CTNNA3: variants seen among roughly 807,000 people sequenced by gnomAD.
CTNNA3 encodes the protein catenin alpha 3, also known as catenin alpha-3.
In CTNNA3, 76 loss-of-function variants were observed where a neutral mutation model predicts 95.7. The ratio of observed to expected loss-of-function variants is 0.79; its 90% CI spans 0.66 to 0.96. The LOEUF is 0.96. Ranked by LOEUF, CTNNA3 falls within the 40% of genes least tolerant of loss-of-function variation. The probability of loss-of-function intolerance (pLI) is 0.00; values close to 1 mark genes in which losing one functional copy is unlikely to be tolerated. For missense variants in CTNNA3, 1,191 were observed against 1,089.8 expected (o/e 1.09, Z -1.31); for synonymous variants, 431 against 374.4 (o/e 1.15, Z -1.74).
At chr10:66,165,821 C>A (rs56026630) in intron 13 of CTNNA3, among the ~76,000 whole-genome samples, 1 of 151,692 alleles carries the variant, frequency 6.6e-6, no homozygotes, top group African/African-American at 2.4e-5. Flanking sequence ...CAGGCTGGAG[C>A]GCAGTGGTGC....
At chr10:66,906,033 C>A (rs774327045) in intron 7 of CTNNA3, among the ~76,000 whole-genome samples, 1 of 151,924 alleles carries the variant, frequency 6.6e-6, no homozygotes, top group Non-Finnish European at 1.5e-5. Flanking sequence ...AGAATTCCAG[C>A]TAATAAATGA....
chr10:66,685,724 T>C (rs1429825361), intron 9 of CTNNA3, among the ~76,000 whole-genome samples: 1 of 151,984 alleles, frequency 6.6e-6, no homozygotes, highest in Non-Finnish European at 1.5e-5. Context: ...ATATTTAAAA[T>C]GACCATGAAC....
chr10:66,360,638 T>TTC (rs1491083628), intron 12 of CTNNA3, among the ~76,000 whole-genome samples: 1 of 53,330 alleles, frequency 1.9e-5, no homozygotes, highest in East Asian at 8.1e-4. Context: ...TTTCTTTCTT[T>TTC]CTTTCTTTCT....
At chr10:67,423,422 G>A (rs1845816503) in intron 5 of CTNNA3, among the ~76,000 whole-genome samples, 2 of 152,062 alleles carry the variant, frequency 1.3e-5, no homozygotes, top group Admixed American at 1.3e-4. Flanking sequence ...AAAGAACCAT[G>A]GAAGCCTAAG....
intron 9 of CTNNA3, among the ~76,000 whole-genome samples, chr10:66,717,443 C>T (rs1320243803): frequency 1.3e-5 from 2 of 152,106 alleles, no homozygotes; most frequent in Non-Finnish European, 2.9e-5. Context: ...AAGTCTGTCT[C>T]CTATTCTAGA....
intron 5 of CTNNA3, among the ~76,000 whole-genome samples, chr10:67,342,955 A>G (rs1200556645): frequency 6.6e-6 from 1 of 151,522 alleles, no homozygotes; most frequent in Non-Finnish European, 1.5e-5. Context: ...GTTCCACATA[A>G]TTTTCCTTTT....
intron 2 of CTNNA3, among the ~76,000 whole-genome samples, chr10:67,621,357 A>G (rs1393620660): frequency 6.6e-6 from 1 of 152,080 alleles, no homozygotes; most frequent in East Asian, 1.9e-4. Context: ...AAACCACTCC[A>G]TCATACTTTA....
chr10:66,570,915 AAGGAG>A (rs1842850889), intron 10 of CTNNA3, among the ~76,000 whole-genome samples: 1 of 152,154 alleles, frequency 6.6e-6, no homozygotes, highest in Non-Finnish European at 1.5e-5. Context: ...AGTTTTGAGC[AAGGAG>A]CTCTCAAAAA....
intron 13 of CTNNA3, among the ~76,000 whole-genome samples, chr10:66,218,198 C>A (rs530121903): frequency 6.6e-6 from 1 of 152,268 alleles, no homozygotes; most frequent in Non-Finnish European, 1.5e-5. Context: ...TGACAAGAAC[C>A]TGTTTTTTTC....
At chr10:66,943,413 A>G (rs1307374651) in intron 7 of CTNNA3, among the ~76,000 whole-genome samples, 1 of 152,032 alleles carries the variant, frequency 6.6e-6, no homozygotes, top group African/African-American at 2.4e-5. Flanking sequence ...CAAAAAGACC[A>G]TCTTTTTATG....
intron 11 of CTNNA3, among the ~76,000 whole-genome samples, chr10:66,470,196 T>C (rs1309489054): frequency 1.3e-5 from 2 of 151,754 alleles, no homozygotes; most frequent in Non-Finnish European, 2.9e-5. Context: ...ATATTATAAG[T>C]GCTAGATTTT....
chr10:66,937,548 CT>C (rs1434029446), intron 7 of CTNNA3, among the ~76,000 whole-genome samples: 2 of 152,218 alleles, frequency 1.3e-5, no homozygotes, highest in East Asian at 3.9e-4. Context: ...TCCTGGTGGA[CT>C]TTCCGGAAAT....
chr10:66,428,457 T>C (rs1442582886), intron 11 of CTNNA3, among the ~76,000 whole-genome samples: 1 of 152,194 alleles, frequency 6.6e-6, no homozygotes. Context: ...TACATTCTTT[T>C]CAGCACCACA....
intron 5 of CTNNA3, among the ~76,000 whole-genome samples, chr10:67,368,174 A>G (rs2132692159): frequency 6.6e-6 from 1 of 152,212 alleles, no homozygotes; most frequent in East Asian, 1.9e-4. Context: ...AAGTTTTACA[A>G]CTTGATAGAA....
At chr10:67,300,091 A>C (rs1840205561) in intron 5 of CTNNA3, among the ~76,000 whole-genome samples, 1 of 152,240 alleles carries the variant, frequency 6.6e-6, no homozygotes, top group Non-Finnish European at 1.5e-5. Context: ...CTATTGAATT[A>C]GAAATTCTGG....
chr10:66,361,250 T>C (rs2092672168), intron 12 of CTNNA3, among the ~76,000 whole-genome samples: 2 of 151,590 alleles, frequency 1.3e-5, no homozygotes, highest in Non-Finnish European at 1.5e-5. Flanking sequence ...ATTACAGGCA[T>C]GAGCCACTGT....
intron 7 of CTNNA3, among the ~76,000 whole-genome samples, chr10:66,869,508 G>C (rs913863958): frequency 6.6e-6 from 1 of 152,064 alleles, no homozygotes; most frequent in African/African-American, 2.4e-5. Context: ...GGGAGGCGGA[G>C]GTTGCAGTGA....
chr10:67,606,896 C>T lies in CTNNA3; in HGVS notation c.253G>A (p.Asp85Asn). 3.7e-6 allele frequency: 6 copies of T among 1,614,080 alleles called. No individual in the cohort carries two copies. Among genetic ancestry groups the T allele is most frequent in the Non-Finnish European group, 5.1e-6 (6 of 1,179,958 alleles). Residue 85 changes from aspartate (D) to asparagine (N), a missense_variant, in exon 3 of 18, where the codon GAT (aspartate) becomes AAT (asparagine). Transcript: ENST00000433211. ...KIAQEATVLK[D>N]ELTASLEEVR... ...TCCTCAAGTGAAGCCGTAAGCTCAT[C>T]CTTTAAAACTGTAGCTTCCTGGGCA...
At chr10:66,321,611 C>CT (rs1564865577) in intron 12 of CTNNA3, among the ~76,000 whole-genome samples, 1 of 152,002 alleles carries the variant, frequency 6.6e-6, no homozygotes, top group Non-Finnish European at 1.5e-5. Context: ...GCAATGAATA[C>CT]TTTTTTATGG....
Sources: gnomAD v4.1 joint callset for allele counts (sites outside exome capture counted in the v4.1 genomes callset) on GRCh38, gnomAD v4.1.1 for gene constraint, MANE v1.5 for transcripts, NCBI Gene and HGNC (gene_info 2026-07-23, HGNC 2026-07-21) for gene names.